Variants in SLC16A12 observed in about 807,000 individuals in gnomAD.
The protein encoded by SLC16A12 is solute carrier family 16 member 12, also known as monocarboxylate transporter 12.
A neutral mutation model predicts 42.4 loss-of-function variants in SLC16A12; 17 were observed. That is an observed-to-expected ratio of 0.40 (90% CI 0.27 to 0.60). The LOEUF (loss-of-function observed/expected upper bound fraction) is 0.60. Ranked by LOEUF, SLC16A12 falls within the 20% of genes least tolerant of loss-of-function variation. SLC16A12 has a pLI of 0.42. For missense variants in SLC16A12, 544 were observed against 623.0 expected, an observed-to-expected ratio of 0.87 and a Z score of 1.35; for synonymous variants, 224 against 229.4, an observed-to-expected ratio of 0.98 and a Z score of 0.21.
chr10:89,527,183 A>T (rs925285547), intron 2 of SLC16A12, among the ~76,000 whole-genome samples: 21 of 151,976 alleles, frequency 1.4e-4, no homozygotes, highest in Non-Finnish European at 1.0e-4. Context: ...AGAACAAATT[A>T]AAAAAAATAA....
chr10:89,554,069 A>AAAG (rs1206032791), intron 2 of SLC16A12, among the ~76,000 whole-genome samples: 1 of 111,528 alleles, frequency 9.0e-6, no homozygotes, highest in African/African-American at 3.6e-5. Flanking sequence ...AGAAAGAAAG[A>AAAG]AAGAAAGAAA....
In SLC16A12 at chr10:89,438,550, C is replaced by A. The variant is rs1000225569; in HGVS notation, c.1028+54G>T. 7.1e-6 allele frequency: 11 copies of A among 1,540,498 alleles called. No homozygotes were observed. The Admixed American group carries it at 8.7e-5, about 12-fold the overall frequency. Reference sequence around the variant, plus strand: ...CACAGGGTAAGGGGCTGAGGAGAAACTCAAGGCTTAAAGTCCCCTGGTGGG... The same window carrying A: ...CACAGGGTAAGGGGCTGAGGAGAAAATCAAGGCTTAAAGTCCCCTGGTGGG... On this transcript the variant is annotated intron_variant, in intron 6 of 7. Transcript: ENST00000371790.
intron 3 of SLC16A12, among the ~76,000 whole-genome samples, chr10:89,457,246 T>A (rs1842209797): frequency 6.6e-6 from 1 of 151,786 alleles, no homozygotes; most frequent in Non-Finnish European, 1.5e-5. Flanking sequence ...AGGTCTAATA[T>A]CCAGAATCTA....
intron 2 of SLC16A12, among the ~76,000 whole-genome samples, chr10:89,464,981 G>T (rs1012072468): frequency 1.3e-5 from 2 of 151,968 alleles, no homozygotes; most frequent in Non-Finnish European, 2.9e-5. Context: ...TATTGATAAA[G>T]AAAAAAATAA....
intron 2 of SLC16A12, among the ~76,000 whole-genome samples, chr10:89,487,305 C>T (rs1173965904): frequency 1.3e-5 from 2 of 152,010 alleles, no homozygotes; most frequent in Non-Finnish European, 2.9e-5. Context: ...CATCTCACAC[C>T]TATCAGAATG....
intron 2 of SLC16A12, among the ~76,000 whole-genome samples, chr10:89,463,619 G>A (rs965845597): frequency 8.5e-5 from 13 of 152,068 alleles, no homozygotes; most frequent in Admixed American, 4.6e-4. Context: ...AAAAAATTTC[G>A]TTAATTTGTC....
At chr10:89,501,276 T>C (rs1589709996) in intron 2 of SLC16A12, among the ~76,000 whole-genome samples, 1 of 152,120 alleles carries the variant, frequency 6.6e-6, no homozygotes. Context: ...AATACCACCA[T>C]TATTCTTCAC....
intron 2 of SLC16A12, among the ~76,000 whole-genome samples, chr10:89,529,379 C>G (rs1003149287): frequency 1.3e-5 from 2 of 151,828 alleles, no homozygotes; most frequent in South Asian, 4.2e-4. Flanking sequence ...ACATAGTCTA[C>G]AAATGATTTG....
chr10:89,488,611 TA>T (rs1339084137), intron 2 of SLC16A12, among the ~76,000 whole-genome samples: 1 of 152,206 alleles, frequency 6.6e-6, no homozygotes, highest in Non-Finnish European at 1.5e-5. Context: ...TGCCTATGCC[TA>T]GGATAAAAGC....
intron 2 of SLC16A12, among the ~76,000 whole-genome samples, chr10:89,505,103 A>T (rs1246120782): frequency 1.3e-5 from 2 of 152,180 alleles, no homozygotes. Context: ...AAAATGGAGC[A>T]AAAAGACAAT....
chr10:89,555,615 A>G (rs1458219030), intron 2 of SLC16A12, among the ~76,000 whole-genome samples: 2 of 144,740 alleles, frequency 1.4e-5, no homozygotes, highest in Non-Finnish European at 3.0e-5. Context: ...ACATATATAT[A>G]CAGATATGTA....
chr10:89,454,298 A>G (rs1376514815), intron 3 of SLC16A12, among the ~76,000 whole-genome samples: 4 of 146,064 alleles, frequency 2.7e-5, no homozygotes, highest in Admixed American at 1.4e-4. Flanking sequence ...ATAAGTCACT[A>G]TCTCATATAT....
intron 2 of SLC16A12, among the ~76,000 whole-genome samples, chr10:89,475,010 A>G (rs1413103827): frequency 6.6e-6 from 1 of 152,228 alleles, no homozygotes; most frequent in East Asian, 1.9e-4. Context: ...CCCAGCAACT[A>G]AACAGTGCCT....
chr10:89,490,031 A>G (rs1001264394), intron 2 of SLC16A12, among the ~76,000 whole-genome samples: 8 of 152,212 alleles, frequency 5.3e-5, no homozygotes, highest in Admixed American at 1.3e-4. Flanking sequence ...CAAAAAAACT[A>G]TAACAATTTC....
intron 2 of SLC16A12, 39 bp from the exon 3 acceptor site, chr10:89,462,663 T>C (rs1205044193): frequency 1.9e-5 from 28 of 1,506,522 alleles, no homozygotes; most frequent in Non-Finnish European, 2.3e-5. Context: ...ATCTTATTGC[T>C]ATGTCCAAAG....
chr10:89,434,426 T>A (rs1841745541), intron 7 of SLC16A12, among the ~76,000 whole-genome samples: 1 of 152,180 alleles, frequency 6.6e-6, no homozygotes, highest in African/African-American at 2.4e-5. Flanking sequence ...TGGTGAGCAC[T>A]AAAATAAGCT....
At chr10:89,522,751 A>C (rs933942434) in intron 2 of SLC16A12, among the ~76,000 whole-genome samples, 10 of 152,136 alleles carry the variant, frequency 6.6e-5, no homozygotes, top group African/African-American at 2.4e-4. Context: ...AAGTGACTTA[A>C]CCTCTCTGTA....
chr10:89,466,265 A>T (rs1465542952), intron 2 of SLC16A12, among the ~76,000 whole-genome samples: 1 of 152,212 alleles, frequency 6.6e-6, no homozygotes, highest in African/African-American at 2.4e-5. Flanking sequence ...TTTGTTCATC[A>T]CTCATTAATT....
intron 2 of SLC16A12, among the ~76,000 whole-genome samples, chr10:89,479,058 T>C (rs1427286067): frequency 6.6e-6 from 1 of 152,220 alleles, no homozygotes; most frequent in East Asian, 1.9e-4. Context: ...TAGACTTCTC[T>C]GCCACTTACT....
Sources: gnomAD v4.1 joint callset for allele counts (sites outside exome capture counted in the v4.1 genomes callset) on GRCh38, gnomAD v4.1.1 for gene constraint, MANE v1.5 for transcripts, NCBI Gene and HGNC (gene_info 2026-07-23, HGNC 2026-07-21) for gene names.